PDE4D: variants seen among roughly 807,000 people sequenced by gnomAD.
PDE4D encodes the protein 3',5'-cyclic-AMP phosphodiesterase 4D.
Under a neutral mutation model 87.4 loss-of-function variants are expected in PDE4D, and 24 were observed. That is an observed-to-expected ratio of 0.27 (90% confidence interval 0.20 to 0.39). PDE4D has a LOEUF of 0.39. Among genes scored for constraint, PDE4D ranks in the 10% least tolerant of loss-of-function variants. PDE4D has a pLI of 1.00. For missense variants in PDE4D, 714 were observed against 1,041.0 expected (o/e 0.69, Z 4.32); for synonymous variants, 384 against 383.2 (o/e 1.00, Z -0.02).
chr5:59,866,787 A>G (rs1747098112), intron 1 of PDE4D, among the ~76,000 whole-genome samples: 1 of 152,194 alleles, frequency 6.6e-6, no homozygotes, highest in Non-Finnish European at 1.5e-5. Context: ...TGGAGGATGT[A>G]TGATGGGCAA....
chr5:59,093,477 C>A lies in PDE4D; in HGVS notation c.809-54506G>T, dbSNP rs531504332. On this transcript the variant is annotated intron_variant, in intron 5 of 14. Transcript: ENST00000340635. ...AAACCCAACTTTTTTATTTGTCATG[C>A]TCCCCAGACATTAGCAGTCAGTTAT... Among the ~76,000 whole-genome samples the A allele has an allele frequency of 3.7e-4, 56 of 152,280 alleles. 1 individual carries two copies. The South Asian group carries it at 0.011, about 29-fold the overall frequency.
intron 5 of PDE4D, among the ~76,000 whole-genome samples, chr5:59,066,995 T>A (rs563191626): frequency 9.1e-6 from 1 of 110,114 alleles, no homozygotes; most frequent in African/African-American, 3.1e-5. Context: ...GTGATTTATT[T>A]ATTTATTTAT....
chr5:59,982,169 T>A (rs1239446195), intron 3 of PDE4D, among the ~76,000 whole-genome samples: 1 of 152,206 alleles, frequency 6.6e-6, no homozygotes, highest in African/African-American at 2.4e-5. Context: ...TCTTTTTTTA[T>A]AGGACATAGT....
chr5:58,988,156 T>G (rs1746936030), intron 11 of PDE4D, among the ~76,000 whole-genome samples: 1 of 152,310 alleles, frequency 6.6e-6, no homozygotes, highest in East Asian at 1.9e-4. Flanking sequence ...CACTTACCAT[T>G]AATTCTCATA....
At chr5:60,370,705 C>G (rs1337944814) in intron 1 of PDE4D, among the ~76,000 whole-genome samples, 9 of 151,994 alleles carry the variant, frequency 5.9e-5, no homozygotes, top group Non-Finnish European at 1.3e-4. Context: ...CCAAGATACC[C>G]AGATAGTGAT....
At chr5:59,009,654 T>C (rs1752369176) in intron 6 of PDE4D, among the ~76,000 whole-genome samples, 1 of 152,064 alleles carries the variant, frequency 6.6e-6, no homozygotes, top group Admixed American at 6.6e-5. Context: ...TATTATATAG[T>C]ACATATATAT....
At chr5:59,215,567 G>A (rs905533191) in intron 2 of PDE4D, 9 of 545,444 alleles carry the variant, frequency 1.7e-5, no homozygotes, top group Middle Eastern at 5.1e-4. Flanking sequence ...GTGTGTGTGT[G>A]TGTGTGTGTG....
chr5:59,678,034 T>C (rs939608475), intron 1 of PDE4D, among the ~76,000 whole-genome samples: 1 of 152,150 alleles, frequency 6.6e-6, no homozygotes, highest in African/African-American at 2.4e-5. Context: ...AATAATCCCA[T>C]GATTACTTAA....
At chr5:60,469,228 G>A (rs557102090) in intron 1 of PDE4D, among the ~76,000 whole-genome samples, 41 of 152,196 alleles carry the variant, frequency 2.7e-4, no homozygotes, top group African/African-American at 9.9e-4. Flanking sequence ...TGCCTTGTTT[G>A]TGTAAAGAAT....
chr5:60,305,062 C>CAG (rs768796837), intron 1 of PDE4D, among the ~76,000 whole-genome samples: 3 of 138,664 alleles, frequency 2.2e-5, no homozygotes, highest in Non-Finnish European at 5.0e-5. Context: ...CACACACACA[C>CAG]ACACACACAA....
chr5:59,419,206 T>A (rs1303942896), intron 1 of PDE4D, among the ~76,000 whole-genome samples: 1 of 152,094 alleles, frequency 6.6e-6, no homozygotes, highest in South Asian at 2.1e-4. Context: ...TGGTGGTAGG[T>A]GTTTGGTCTA....
At chr5:59,850,313 A>C (rs1744487954) in intron 1 of PDE4D, among the ~76,000 whole-genome samples, 1 of 152,038 alleles carries the variant, frequency 6.6e-6, no homozygotes, top group African/African-American at 2.4e-5. Context: ...TTACGCCAGA[A>C]CCTCCAAACT....
chr5:59,804,537 G>C (rs1279909637), intron 1 of PDE4D, among the ~76,000 whole-genome samples: 1 of 149,004 alleles, frequency 6.7e-6, no homozygotes, highest in African/African-American at 2.4e-5. Context: ...CCAGTAGTGG[G>C]TTAAACCCTA....
At chr5:59,048,405 T>C (rs1431593511) in intron 5 of PDE4D, among the ~76,000 whole-genome samples, 1 of 152,224 alleles carries the variant, frequency 6.6e-6, no homozygotes, top group African/African-American at 2.4e-5. Context: ...GCATACAGTA[T>C]TCCTTAGAGA....
chr5:60,482,864 A>T (rs1748841091), intron 1 of PDE4D, among the ~76,000 whole-genome samples: 1 of 152,186 alleles, frequency 6.6e-6, no homozygotes, highest in African/African-American at 2.4e-5. Flanking sequence ...CATATCTTCC[A>T]TTAAATATCA....
At chr5:59,529,374 T>A (rs141056837) in intron 1 of PDE4D, 203 of 266,026 alleles carry the variant, frequency 7.6e-4, no homozygotes, top group Non-Finnish European at 1.4e-3. Context: ...GATTCACAGG[T>A]AGGAGCAATG....
At chr5:59,487,150 A>G (rs965267223) in intron 1 of PDE4D, among the ~76,000 whole-genome samples, 2 of 152,112 alleles carry the variant, frequency 1.3e-5, no homozygotes, top group Non-Finnish European at 2.9e-5. Context: ...GAGATGGGGG[A>G]GAAACAAATT....
intron 1 of PDE4D, among the ~76,000 whole-genome samples, chr5:59,616,218 T>G (rs1829649972): frequency 6.6e-6 from 1 of 152,108 alleles, no homozygotes; most frequent in African/African-American, 2.4e-5. Context: ...CTGATTTTAA[T>G]GCAAATTACA....
At chr5:59,318,822 C>T (rs1001345699) in intron 1 of PDE4D, among the ~76,000 whole-genome samples, 2 of 152,036 alleles carry the variant, frequency 1.3e-5, no homozygotes, top group Non-Finnish European at 2.9e-5. Flanking sequence ...CAGCCCCTTT[C>T]TGCACAAGAT....
Sources: gnomAD v4.1 joint callset for allele counts (sites outside exome capture counted in the v4.1 genomes callset) on GRCh38, gnomAD v4.1.1 for gene constraint, MANE v1.5 for transcripts, NCBI Gene and HGNC (gene_info 2026-07-23, HGNC 2026-07-21) for gene names.